The following NUBPL variants were observed in gnomAD, a reference collection of about 807,000 sequenced individuals.
The protein encoded by NUBPL is iron-sulfur cluster transfer protein NUBPL.
A neutral mutation model predicts 45.7 loss-of-function variants in NUBPL; 31 were observed. The ratio of observed to expected loss-of-function variants is 0.68; its 90% CI spans 0.51 to 0.92. NUBPL has a LOEUF of 0.92. Among genes scored for constraint, NUBPL ranks in the 40% least tolerant of loss-of-function variants. NUBPL has a pLI of 0.00. For synonymous variants in NUBPL, 144 were observed against 140.9 expected (o/e 1.02, Z -0.15); for missense variants, 401 against 398.7 (o/e 1.01, Z -0.05).
intron 4 of NUBPL, among the ~76,000 whole-genome samples, chr14:31,603,601 T>C (rs1418580491): frequency 6.6e-6 from 1 of 152,196 alleles, no homozygotes; most frequent in African/African-American, 2.4e-5. Context: ...CTTTTGTTTG[T>C]GGTTTAGTTG....
chr14:31,706,053 C>T (rs1029863439), intron 6 of NUBPL, among the ~76,000 whole-genome samples: 10 of 152,178 alleles, frequency 6.6e-5, no homozygotes, highest in Middle Eastern at 3.2e-3. Context: ...CATAGCGCAT[C>T]GGCAGGCTGA....
chr14:31,600,723 A>G (rs2034410628), intron 4 of NUBPL, among the ~76,000 whole-genome samples: 1 of 151,746 alleles, frequency 6.6e-6, no homozygotes, highest in African/African-American at 2.4e-5. Context: ...CTCTGATGGT[A>G]GTTTCTTTTG....
chr14:31,574,264 A>G (rs1422009255), intron 3 of NUBPL, among the ~76,000 whole-genome samples: 1 of 151,846 alleles, frequency 6.6e-6, no homozygotes, highest in Non-Finnish European at 1.5e-5. Flanking sequence ...TGTACTCAAA[A>G]AAAATTTTTT....
intron 3 of NUBPL, among the ~76,000 whole-genome samples, chr14:31,583,306 G>A (rs1344340962): frequency 6.6e-6 from 1 of 152,184 alleles, no homozygotes; most frequent in Non-Finnish European, 1.5e-5. Context: ...GCAGAGTTGG[G>A]TAGGTTAGCC....
At chr14:31,649,875 T>C (rs2035953340) in intron 4 of NUBPL, among the ~76,000 whole-genome samples, 1 of 152,244 alleles carries the variant, frequency 6.6e-6, no homozygotes, top group Non-Finnish European at 1.5e-5. Flanking sequence ...TTTTTTTGTT[T>C]TGAGACGGAG....
chr14:31,774,216 A>T (rs987566619), intron 6 of NUBPL, among the ~76,000 whole-genome samples: 1 of 152,220 alleles, frequency 6.6e-6, no homozygotes, highest in East Asian at 1.9e-4. Context: ...TTGCTAGCAG[A>T]ATAGAATGGC....
chr14:31,673,318 T>C, intron 4 of NUBPL, 37 bp from the exon 5 acceptor site: 2 of 1,542,290 alleles, frequency 1.3e-6, no homozygotes, highest in Non-Finnish European at 1.8e-6. Context: ...GTGTTGTGTT[T>C]TATTGTTCTA....
chr14:31,610,417 T>C (rs1313834011), intron 4 of NUBPL, among the ~76,000 whole-genome samples: 2 of 151,744 alleles, frequency 1.3e-5, no homozygotes, highest in East Asian at 3.9e-4. Flanking sequence ...AGATCAATGC[T>C]GTAATAAAAA....
chr14:31,710,431 A>T (rs572816932), intron 6 of NUBPL, among the ~76,000 whole-genome samples: 11 of 152,252 alleles, frequency 7.2e-5, no homozygotes, highest in African/African-American at 2.4e-4. Flanking sequence ...GCAGCAGCAG[A>T]AACACTAGCT....
chr14:31,692,063 T>C (rs67753865), intron 6 of NUBPL, among the ~76,000 whole-genome samples: 56,710 of 151,992 alleles, frequency 0.37, 11,558 homozygotes, highest in South Asian at 0.46. Flanking sequence ...TTAGGATCTA[T>C]TAGGAAAAAT....
chr14:31,783,056 C>T (rs1393880980), intron 6 of NUBPL, among the ~76,000 whole-genome samples: 1 of 152,146 alleles, frequency 6.6e-6, no homozygotes, highest in African/African-American at 2.4e-5. Flanking sequence ...AACACCAGAG[C>T]ACCAGGATTT....
At chr14:31,706,166 C>T (rs1270964521) in intron 6 of NUBPL, among the ~76,000 whole-genome samples, 1 of 152,060 alleles carries the variant, frequency 6.6e-6, no homozygotes, top group Non-Finnish European at 1.5e-5. Flanking sequence ...CCCCTCTAAA[C>T]AGGACACCCC....
At chr14:31,699,716 G>A (rs1445683605) in intron 6 of NUBPL, among the ~76,000 whole-genome samples, 1 of 152,086 alleles carries the variant, frequency 6.6e-6, no homozygotes, top group Non-Finnish European at 1.5e-5. Context: ...TTTATACGTT[G>A]TATTTTATAA....
intron 10 of NUBPL, among the ~76,000 whole-genome samples, chr14:31,854,603 C>G (rs932400836): frequency 6.6e-6 from 1 of 152,090 alleles, no homozygotes; most frequent in Non-Finnish European, 1.5e-5. Context: ...CTTAATACTC[C>G]GAAAATGCTT....
At chr14:31,834,920 A>G (rs1156857450) in intron 8 of NUBPL, among the ~76,000 whole-genome samples, 4 of 152,164 alleles carry the variant, frequency 2.6e-5, no homozygotes, top group African/African-American at 7.2e-5. Flanking sequence ...GAGTTTTAGT[A>G]CTGTGGACAT....
At position 31,748,049 on chromosome 14, in the gene NUBPL, C is replaced by T. The variant is rs377008373; in HGVS notation, c.514-39731C>T. ...TTTAAAATTTCCTTTTTAATTTTTT[C>T]GTTGACCCATTGGTCATTCAGGGGC... On this transcript the variant is annotated intron_variant, in intron 6 of 10. Coordinates refer to ENST00000281081, the MANE Select transcript of NUBPL (RefSeq NM_025152.3). Among the ~76,000 whole-genome samples the T allele has an allele frequency of 6.6e-5, 10 of 152,062 alleles. No individual in the cohort carries two copies. In the East Asian group the frequency reaches 1.2e-3, roughly 18 times the overall value.
At chr14:31,806,892 A>G (rs1200076204) in intron 7 of NUBPL, among the ~76,000 whole-genome samples, 5 of 152,180 alleles carry the variant, frequency 3.3e-5, no homozygotes, top group Non-Finnish European at 7.3e-5. Context: ...TGTCCTTGTG[A>G]TAGTTTGCTC....
rs2039009078 is a variant in NUBPL at position 31,771,521 on chromosome 14, A to G, written c.514-16259A>G. Among the ~76,000 whole-genome samples the G allele has an allele frequency of 2.0e-5, 3 of 152,302 alleles. No homozygotes were observed. In the South Asian group the frequency reaches 6.2e-4, roughly 32 times the overall value. On this transcript the variant is annotated intron_variant, in intron 6 of 10. Coordinates refer to ENST00000281081, the MANE Select transcript of NUBPL (RefSeq NM_025152.3). ...AGCAGAACTCTTCAGGGATTTGAAG[A>G]ACAGTGATGCTGTGCTGCATTCTGT...
chr14:31,738,704 A>T (rs565960850), intron 6 of NUBPL, among the ~76,000 whole-genome samples: 45 of 152,312 alleles, frequency 3.0e-4, no homozygotes, highest in Admixed American at 6.5e-4. Context: ...ATGATAATTT[A>T]AAAAATTTCC....
Sources: allele counts gnomAD v4.1 joint callset (sites outside exome capture counted in the v4.1 genomes callset), GRCh38; gene constraint gnomAD v4.1.1; transcripts MANE v1.5; gene names NCBI Gene and HGNC (gene_info 2026-07-23, HGNC 2026-07-21).